The following SEPTIN9 variants were observed in gnomAD, a reference collection of about 807,000 sequenced individuals.
The protein encoded by SEPTIN9 is septin 9.
A neutral mutation model predicts 56.6 loss-of-function variants in SEPTIN9; 13 were observed. That is an observed-to-expected ratio of 0.23 (90% confidence interval 0.15 to 0.37). SEPTIN9 has a LOEUF of 0.37. Among genes scored for constraint, SEPTIN9 ranks in the 10% least tolerant of loss-of-function variants. SEPTIN9 has a pLI of 1.00. For synonymous variants in SEPTIN9, 332 were observed against 334.1 expected (o/e 0.99, Z 0.07); for missense variants, 650 against 823.1 (o/e 0.79, Z 2.57).
Position 77,321,398 on chromosome 17 carries a change from CT to C in SEPTIN9, c.76+14216del, listed in dbSNP as rs770723911. On this transcript the variant is annotated intron_variant, in intron 2 of 11. Transcript: ENST00000427177. ...TCCACCACTGCTCCCAGGGCCACAT[CT>C]TTTTTTTTTTTTTTCTTTGAGACGG... 3.9e-3 allele frequency among the ~76,000 whole-genome samples: 549 copies of C among 141,800 alleles called. 1 individual carries two copies. Among genetic ancestry groups the C allele is most frequent in the East Asian group, 4.3e-3 (21 of 4,916 alleles). The allele number at this position is 141,800 out of a possible 152,430, so 93.0% of individuals were successfully genotyped here. A position where few individuals can be genotyped will look rare whatever the true frequency, so the allele number is the denominator to read the frequency against.
intron 8 of SEPTIN9, among the ~76,000 whole-genome samples, chr17:77,491,621 T>C (rs1055546882): frequency 3.9e-4 from 59 of 151,454 alleles, no homozygotes; most frequent in African/African-American, 1.4e-3. Context: ...GAGGCCAACA[T>C]GATGAAACCC....
rs567069953 is a variant in SEPTIN9 at position 77,480,615 on chromosome 17, G to A, written c.722-1529G>A. Among the ~76,000 whole-genome samples, 151 of 152,324 alleles carry A rather than the reference G, an allele frequency of 9.9e-4. 1 individual carries two copies. Among genetic ancestry groups the A allele is most frequent in the Middle Eastern group, 3.4e-3 (1 of 294 alleles). ...GGAGGGCTGCTCACTTGCCTGTCAC[G>A]GGGGATGAGCCCCCTGCAGCCTCCC... On this transcript the variant is annotated intron_variant, in intron 3 of 11. Coordinates refer to ENST00000427177, the MANE Select transcript of SEPTIN9 (RefSeq NM_001113491.2).
intron 3 of SEPTIN9, among the ~76,000 whole-genome samples, chr17:77,432,865 C>T (rs1322288114): frequency 1.3e-5 from 2 of 152,238 alleles, no homozygotes; most frequent in African/African-American, 4.8e-5. Flanking sequence ...GTGGCCTGAC[C>T]ACAGTCACTG....
intron 3 of SEPTIN9, among the ~76,000 whole-genome samples, chr17:77,465,958 TC>T (rs1307815529): frequency 6.6e-6 from 1 of 151,848 alleles, no homozygotes; most frequent in African/African-American, 2.4e-5. Flanking sequence ...GACAAGACCT[TC>T]CTGGGGGAGG....
intron 3 of SEPTIN9, among the ~76,000 whole-genome samples, chr17:77,466,053 G>A (rs1390650058): frequency 2.9e-5 from 3 of 103,052 alleles, no homozygotes; most frequent in Non-Finnish European, 5.7e-5. Context: ...TTTCTGGACT[G>A]TCACACACAC....
At chr17:77,354,589 G>A (rs1352440004) in intron 2 of SEPTIN9, among the ~76,000 whole-genome samples, 1 of 152,152 alleles carries the variant, frequency 6.6e-6, no homozygotes, top group Admixed American at 6.5e-5. Flanking sequence ...GCCTGCATGC[G>A]GCCGCTGCCG....
At chr17:77,312,989 G>C (rs1383287711) in intron 2 of SEPTIN9, among the ~76,000 whole-genome samples, 1 of 152,140 alleles carries the variant, frequency 6.6e-6, no homozygotes, top group South Asian at 2.1e-4. Context: ...GAGTTCTATG[G>C]GGGGGCGCTG....
intron 1 of SEPTIN9, among the ~76,000 whole-genome samples, chr17:77,302,953 G>T (rs773942271): frequency 1.3e-5 from 2 of 152,040 alleles, no homozygotes; most frequent in Non-Finnish European, 2.9e-5. Flanking sequence ...GGACCAGGGA[G>T]CCCCGCTCGT....
chr17:77,420,654 G>A (rs2036666754), intron 3 of SEPTIN9, among the ~76,000 whole-genome samples: 2 of 152,058 alleles, frequency 1.3e-5, no homozygotes, highest in Non-Finnish European at 2.9e-5. Flanking sequence ...TGCTGCCCCT[G>A]CTCCTCTGTC....
In SEPTIN9 at chr17:77,336,369, T is replaced by A. The variant is rs192480112; in HGVS notation, c.76+29172T>A. Among the ~76,000 whole-genome samples the A allele has an allele frequency of 1.9e-3, 296 of 152,276 alleles. 4 individuals carry two copies. The highest frequency in any genetic ancestry group is 2.1e-3 in the Non-Finnish European group (140 of 68,004). ...TTGAGTCTTTTGTATAGATGGTATA[T>A]CTCCGTTTTAAAGGTCCTTTTGTAT... is the stretch of plus-strand genomic sequence containing the variant. On this transcript the variant is annotated intron_variant, in intron 2 of 11. Coordinates refer to ENST00000427177, the MANE Select transcript of SEPTIN9 (RefSeq NM_001113491.2).
intron 2 of SEPTIN9, among the ~76,000 whole-genome samples, chr17:77,352,588 C>T (rs2034101529): frequency 1.3e-5 from 2 of 152,192 alleles, no homozygotes; most frequent in Non-Finnish European, 2.9e-5. Flanking sequence ...CCTCGGCTTG[C>T]AGCTCGGCCT....
chr17:77,448,468 T>C (rs2037833149), intron 3 of SEPTIN9, among the ~76,000 whole-genome samples: 1 of 149,304 alleles, frequency 6.7e-6, no homozygotes, highest in Non-Finnish European at 1.5e-5. Flanking sequence ...AGAGCAAGAC[T>C]CTGTTCCCCG....
intron 3 of SEPTIN9, among the ~76,000 whole-genome samples, chr17:77,460,677 C>G (rs1171462337): frequency 6.6e-6 from 1 of 152,152 alleles, no homozygotes; most frequent in Non-Finnish European, 1.5e-5. Flanking sequence ...TCCTCTTGGT[C>G]CTGTTGAGCA....
At chr17:77,478,084 T>G (rs1335357148) in intron 3 of SEPTIN9, among the ~76,000 whole-genome samples, 1 of 151,962 alleles carries the variant, frequency 6.6e-6, no homozygotes, top group African/African-American at 2.4e-5. Flanking sequence ...CCAAATTCAG[T>G]GAGGGTCTTG....
At chr17:77,463,367 C>T (rs1041350458) in intron 3 of SEPTIN9, among the ~76,000 whole-genome samples, 1 of 152,176 alleles carries the variant, frequency 6.6e-6, no homozygotes, top group African/African-American at 2.4e-5. Context: ...TTCCTGTTTG[C>T]CCCGAGAATA....
intron 4 of SEPTIN9, 106 bp downstream of exon 4, chr17:77,482,441 G>T (rs1301532107): frequency 1.8e-6 from 2 of 1,138,264 alleles, no homozygotes; most frequent in Admixed American, 3.9e-5. Flanking sequence ...GTAAAATGGG[G>T]CAGCAACCCT....
intron 3 of SEPTIN9, among the ~76,000 whole-genome samples, chr17:77,470,118 T>C (rs2038922426): frequency 6.7e-6 from 1 of 149,748 alleles, no homozygotes; most frequent in African/African-American, 2.5e-5. Flanking sequence ...CATTCACTCA[T>C]CTGTCCATCC....
chr17:77,498,490 C>T (rs1246614691), intron 11 of SEPTIN9, 33 bp from the exon 12 acceptor site: 1 of 703,784 alleles, frequency 1.4e-6, no homozygotes, highest in African/African-American at 1.8e-5. Context: ...GCTGCGCCCA[C>T]CTCACTGACC....
intron 1 of SEPTIN9, among the ~76,000 whole-genome samples, chr17:77,286,142 T>C (rs750509585): frequency 6.6e-5 from 10 of 152,244 alleles, no homozygotes; most frequent in Non-Finnish European, 1.2e-4. Context: ...TGTGGCTCTG[T>C]CTGACTTGTG....
Sources: allele counts gnomAD v4.1 joint callset (sites outside exome capture counted in the v4.1 genomes callset), GRCh38; gene constraint gnomAD v4.1.1; transcripts MANE v1.5; gene names NCBI Gene and HGNC (gene_info 2026-07-23, HGNC 2026-07-21).